The following CTNNA2 variants were observed in gnomAD, a reference collection of about 807,000 sequenced individuals.
CTNNA2 encodes the protein catenin alpha 2.
Under a neutral mutation model 101.0 loss-of-function variants are expected in CTNNA2, and 42 were observed. That is an observed-to-expected ratio of 0.42 (90% CI 0.32 to 0.54). CTNNA2 has a LOEUF of 0.54. CTNNA2 is among the 20% of genes least tolerant of loss of function. The pLI, the probability that CTNNA2 is intolerant of heterozygous loss-of-function variation, is 0.14. For synonymous variants in CTNNA2, 450 were observed against 456.4 expected, an observed-to-expected ratio of 0.99 and a Z score of 0.18; for missense variants, 871 against 1,223.1, an observed-to-expected ratio of 0.71 and a Z score of 4.29.
chr2:80,375,054 C>A (rs1436382020), intron 7 of CTNNA2, among the ~76,000 whole-genome samples: 1 of 152,120 alleles, frequency 6.6e-6, no homozygotes, highest in South Asian at 2.1e-4. Flanking sequence ...CCACCCCAGG[C>A]GAGCACAGAT....
chr2:79,211,928 AG>A (rs1302509270), intron 2 of CTNNA2, among the ~76,000 whole-genome samples: 1 of 152,170 alleles, frequency 6.6e-6, no homozygotes, highest in Non-Finnish European at 1.5e-5. Flanking sequence ...ATTAAACTGA[AG>A]GAAGATTTTG....
chr2:80,198,567 A>C (rs1450876739), intron 7 of CTNNA2, among the ~76,000 whole-genome samples: 1 of 147,678 alleles, frequency 6.8e-6, no homozygotes, highest in Non-Finnish European at 1.5e-5. Context: ...ATTTTTTAAC[A>C]GTGTGCTTTT....
At chr2:80,484,069 C>G (rs1380159074) in intron 9 of CTNNA2, among the ~76,000 whole-genome samples, 1 of 152,134 alleles carries the variant, frequency 6.6e-6, no homozygotes, top group Non-Finnish European at 1.5e-5. Context: ...AGAATGTTCA[C>G]TAATGACATT....
intron 2 of CTNNA2, among the ~76,000 whole-genome samples, chr2:79,743,011 G>T (rs548566417): frequency 5.0e-4 from 76 of 152,082 alleles, no homozygotes; most frequent in African/African-American, 1.7e-3. Flanking sequence ...TTGAGTCATC[G>T]CTTTGATTGC....
chr2:79,401,901 A>T (rs1678294192), intron 4 of CTNNA2, among the ~76,000 whole-genome samples: 1 of 151,660 alleles, frequency 6.6e-6, no homozygotes. Context: ...TATATGTTAT[A>T]CACTGTCCAC....
intron 4 of CTNNA2, among the ~76,000 whole-genome samples, chr2:79,395,070 C>T (rs929171997): frequency 1.3e-5 from 2 of 152,010 alleles, no homozygotes; most frequent in Admixed American, 6.6e-5. Flanking sequence ...AGGGTTTTAC[C>T]TGTGTAGCCT....
chr2:79,852,511 A>G lies in CTNNA2; in HGVS notation c.299-5502A>G, dbSNP rs10175738. On this transcript the variant is annotated intron_variant, in intron 3 of 18. Transcript: ENST00000402739. ...TCTCACACTAGTTCCAGTTTTCATC[A>G]TTTGATTCCAGGGAGTAAGTCCAAT... 1.5e-3 allele frequency among the ~76,000 whole-genome samples: 235 copies of G among 152,252 alleles called. 1 individual carries two copies. Among genetic ancestry groups the G allele is most frequent in the African/African-American group, 5.0e-3 (209 of 41,542 alleles).
intron 3 of CTNNA2, among the ~76,000 whole-genome samples, chr2:79,856,509 G>A (rs1012658333): frequency 9.2e-5 from 14 of 152,144 alleles, no homozygotes; most frequent in African/African-American, 3.4e-4. Context: ...TAAAAAATCT[G>A]TCATATTAAC....
At chr2:79,437,822 C>CT (rs1360111932) in intron 4 of CTNNA2, among the ~76,000 whole-genome samples, 1 of 152,176 alleles carries the variant, frequency 6.6e-6, no homozygotes, top group Non-Finnish European at 1.5e-5. Flanking sequence ...GGTAATGAAT[C>CT]TAACGCGCTG....
chr2:79,827,460 G>C (rs1036082391), intron 3 of CTNNA2, among the ~76,000 whole-genome samples: 7 of 152,212 alleles, frequency 4.6e-5, no homozygotes, highest in African/African-American at 4.8e-5. Flanking sequence ...ATATTAGCAA[G>C]ACTTAAGGGA....
intron 7 of CTNNA2, among the ~76,000 whole-genome samples, chr2:80,194,305 G>C (rs770693969): frequency 6.6e-6 from 1 of 152,150 alleles, no homozygotes; most frequent in Non-Finnish European, 1.5e-5. Flanking sequence ...GCTTTAAGCC[G>C]TCATGCCAAG....
chr2:79,188,212 CATT>C (rs1194920306), intron 1 of CTNNA2, among the ~76,000 whole-genome samples: 3 of 152,020 alleles, frequency 2.0e-5, no homozygotes, highest in Non-Finnish European at 4.4e-5. Context: ...TGATGCATGA[CATT>C]CTAGACTAGA....
chr2:79,844,870 C>CTT (rs920120976), intron 3 of CTNNA2, among the ~76,000 whole-genome samples: 6 of 151,808 alleles, frequency 4.0e-5, no homozygotes, highest in Admixed American at 2.6e-4. Flanking sequence ...CTTTTAGAAA[C>CTT]TTAGCCAGGA....
rs544103408 is a variant in CTNNA2, at chr2:80,126,715, T to G, written c.1056+216918T>G. ...TCCTTCCTTCCTCCCCAGCTTCCCT[T>G]GTCTACCAACTCATGGCCTACCCTT... On this transcript the variant is annotated intron_variant, in intron 7 of 18. Coordinates refer to ENST00000402739, the MANE Select transcript of CTNNA2 (RefSeq NM_001282597.3). 6.1e-3 allele frequency among the ~76,000 whole-genome samples: 919 copies of G among 150,412 alleles called. 4 individuals are homozygous for G. The highest frequency in any genetic ancestry group is 7.3e-3 in the Admixed American group (110 of 15,014).
chr2:80,559,891 T>TTTATATATATATATATATATATATATAC (rs67796030), intron 12 of CTNNA2, among the ~76,000 whole-genome samples: 7 of 146,818 alleles, frequency 4.8e-5, no homozygotes, highest in Non-Finnish European at 8.9e-5. Context: ...TATATATATA[T>TTTATATATATATATATATATATATATAC]ACACACACAT....
At chr2:79,352,236 G>GT (rs1293678375) in intron 3 of CTNNA2, among the ~76,000 whole-genome samples, 4 of 151,746 alleles carry the variant, frequency 2.6e-5, no homozygotes, top group African/African-American at 9.7e-5. Flanking sequence ...TGGTTGGTAG[G>GT]TTTTTTATTA....
At chr2:79,258,293 T>C (rs1252170366) in intron 2 of CTNNA2, among the ~76,000 whole-genome samples, 1 of 152,192 alleles carries the variant, frequency 6.6e-6, no homozygotes, top group East Asian at 1.9e-4. Context: ...TTAGAATATT[T>C]GGATTCTATT....
At chr2:80,524,532 C>T (rs1389600126) in intron 9 of CTNNA2, among the ~76,000 whole-genome samples, 2 of 152,166 alleles carry the variant, frequency 1.3e-5, no homozygotes, top group Non-Finnish European at 2.9e-5. Context: ...ACTTCCATCC[C>T]AGCCATATTT....
At chr2:79,804,953 A>T (rs1676455886) in intron 3 of CTNNA2, among the ~76,000 whole-genome samples, 1 of 152,204 alleles carries the variant, frequency 6.6e-6, no homozygotes, top group South Asian at 2.1e-4. Flanking sequence ...AAGAAGAGCA[A>T]GAATGAGCTG....
Sources: gnomAD v4.1 joint callset for allele counts (sites outside exome capture counted in the v4.1 genomes callset) on GRCh38, gnomAD v4.1.1 for gene constraint, MANE v1.5 for transcripts, NCBI Gene and HGNC (gene_info 2026-07-23, HGNC 2026-07-21) for gene names.